Variants in TCF7L2 observed in about 807,000 individuals in gnomAD.
The protein encoded by TCF7L2 is transcription factor 7 like 2.
Under a neutral mutation model 77.9 loss-of-function variants are expected in TCF7L2, and 23 were observed. The observed-to-expected ratio is 0.30, with a 90% CI of 0.21 to 0.42. The LOEUF is 0.42. Ranked by LOEUF, TCF7L2 falls within the 10% of genes least tolerant of loss-of-function variation. The pLI is 1.00. For missense variants in TCF7L2, 654 were observed against 793.1 expected, an observed-to-expected ratio of 0.82 and a Z score of 2.11; for synonymous variants, 413 against 340.2, an observed-to-expected ratio of 1.21 and a Z score of -2.36.
intron 5 of TCF7L2, chr10:113,129,271 A>G: frequency 1.0e-6 from 1 of 980,706 alleles, no homozygotes; most frequent in African/African-American, 1.7e-5. Flanking sequence ...ACAATCTTGC[A>G]GATAAAGTGC....
At chr10:113,042,759 T>A (rs1399056387) in intron 5 of TCF7L2, among the ~76,000 whole-genome samples, 2 of 152,198 alleles carry the variant, frequency 1.3e-5, no homozygotes, top group South Asian at 2.1e-4. Flanking sequence ...AATTTATGAT[T>A]ATATTTTTGC....
intron 5 of TCF7L2, among the ~76,000 whole-genome samples, chr10:113,130,141 G>T (rs7919544): frequency 0.25 from 37,618 of 151,876 alleles, 5,157 homozygotes; most frequent in Non-Finnish European, 0.31. Context: ...GTCAACTCAA[G>T]CTATGCCCTT....
chr10:112,962,264 G>A (rs1335027204), intron 3 of TCF7L2, among the ~76,000 whole-genome samples: 1 of 152,116 alleles, frequency 6.6e-6, no homozygotes, highest in Non-Finnish European at 1.5e-5. Context: ...AGGGATTGTG[G>A]GAAGAGAAGC....
rs139654459 is a variant in TCF7L2, at chr10:112,955,455, T to C, written c.381+3848T>C. ...TATTTTAATGATTATAAATTAAATA[T>C]GCCAGCGCTTTCCACTTTGTTGATA... On this transcript the variant is annotated intron_variant, in intron 3 of 13. Coordinates refer to ENST00000627217, the MANE Select transcript of TCF7L2 (RefSeq NM_001146274.2). 3.9e-3 allele frequency among the ~76,000 whole-genome samples: 601 copies of C among 152,322 alleles called. 2 individuals are homozygous for C. The highest frequency in any genetic ancestry group is 7.1e-3 in the Non-Finnish European group (480 of 68,032).
At chr10:113,138,090 G>C (rs1296166446) in intron 5 of TCF7L2, among the ~76,000 whole-genome samples, 1 of 152,194 alleles carries the variant, frequency 6.6e-6, no homozygotes, top group African/African-American at 2.4e-5. Context: ...TCTTGCAAGG[G>C]AACCCATGAG....
At chr10:113,113,879 C>T (rs2063431019) in intron 5 of TCF7L2, among the ~76,000 whole-genome samples, 1 of 152,120 alleles carries the variant, frequency 6.6e-6, no homozygotes, top group East Asian at 1.9e-4. Context: ...TTTTAAGAAT[C>T]AAATGCAAAG....
At chr10:113,051,322 C>G (rs1287007101) in intron 5 of TCF7L2, among the ~76,000 whole-genome samples, 1 of 151,764 alleles carries the variant, frequency 6.6e-6, no homozygotes, top group Non-Finnish European at 1.5e-5. Flanking sequence ...GGCGGAAATG[C>G]CTGTATGGCA....
chr10:113,146,964 TA>T (rs201501064), intron 8 of TCF7L2, among the ~76,000 whole-genome samples: 1,988 of 152,342 alleles, frequency 0.013, 25 homozygotes, highest in South Asian at 0.037. Flanking sequence ...CGTAGAAACA[TA>T]TTTACAAGAT....
At chr10:113,043,467 C>A (rs1021438046) in intron 5 of TCF7L2, among the ~76,000 whole-genome samples, 2 of 152,170 alleles carry the variant, frequency 1.3e-5, no homozygotes, top group African/African-American at 4.8e-5. Flanking sequence ...TCCAGTGATT[C>A]CTAATCTGTG....
chr10:112,988,738 C>T (rs4074720), intron 4 of TCF7L2, among the ~76,000 whole-genome samples: 78,905 of 152,058 alleles, frequency 0.52, 22,479 homozygotes, highest in African/African-American at 0.74. Flanking sequence ...GTGGTTCTAT[C>T]TTGTGTAGGA....
chr10:113,001,436 C>T (rs1006936181), intron 4 of TCF7L2, among the ~76,000 whole-genome samples: 1 of 152,136 alleles, frequency 6.6e-6, no homozygotes, highest in African/African-American at 2.4e-5. Context: ...TAGGTTGGTT[C>T]TCAGAGAAGT....
intron 4 of TCF7L2, among the ~76,000 whole-genome samples, chr10:112,996,673 T>C (rs111470730): frequency 2.5e-3 from 381 of 152,282 alleles, no homozygotes; most frequent in African/African-American, 8.7e-3. Flanking sequence ...TGATCAGTGC[T>C]GGTGAAGCCT....
At chr10:112,985,671 C>CT (rs927505315) in intron 4 of TCF7L2, among the ~76,000 whole-genome samples, 24 of 152,016 alleles carry the variant, frequency 1.6e-4, no homozygotes, top group Non-Finnish European at 2.8e-4. Context: ...GGCAGCCTTG[C>CT]TTTTTTTTGG....
At chr10:112,956,146 T>G (rs1360249129) in intron 3 of TCF7L2, among the ~76,000 whole-genome samples, 2 of 152,078 alleles carry the variant, frequency 1.3e-5, no homozygotes, top group East Asian at 1.9e-4. Context: ...CTGCAAATTT[T>G]TGTGTGGACG....
intron 5 of TCF7L2, chr10:113,089,548 T>G (rs1181364370): frequency 6.2e-7 from 1 of 1,613,260 alleles, no homozygotes; most frequent in Non-Finnish European, 8.5e-7. Context: ...GAGGTAGGTC[T>G]CGGAGCAGAA....
intron 5 of TCF7L2, among the ~76,000 whole-genome samples, chr10:113,073,595 G>A (rs189966689): frequency 2.6e-5 from 4 of 151,586 alleles, no homozygotes; most frequent in Admixed American, 2.0e-4. Flanking sequence ...AGGAGGCTGA[G>A]GCGGGAGGAT....
chr10:112,951,179 C>T (rs779302241), intron 1 of TCF7L2, 28 bp from the exon 2 acceptor site: 1 of 1,571,134 alleles, frequency 6.4e-7, no homozygotes, highest in East Asian at 2.4e-5. Context: ...TTGCCCCTCG[C>T]CCTCCCCACC....
chr10:113,115,608 T>C (rs1242913121), intron 5 of TCF7L2, among the ~76,000 whole-genome samples: 1 of 152,206 alleles, frequency 6.6e-6, no homozygotes, highest in Non-Finnish European at 1.5e-5. Flanking sequence ...TCTTGTGTTT[T>C]TCCCCCCACC....
chr10:113,124,280 G>A (rs1426921860), intron 5 of TCF7L2, among the ~76,000 whole-genome samples: 3 of 152,022 alleles, frequency 2.0e-5, no homozygotes, highest in Non-Finnish European at 4.4e-5. Flanking sequence ...CACCCTTTTC[G>A]AACAAAACTC....
Sources: allele counts gnomAD v4.1 joint callset (sites outside exome capture counted in the v4.1 genomes callset), GRCh38; gene constraint gnomAD v4.1.1; transcripts MANE v1.5; gene names NCBI Gene and HGNC (gene_info 2026-07-23, HGNC 2026-07-21).